KIF26B: variants seen among roughly 807,000 people sequenced by gnomAD.
The protein encoded by KIF26B is kinesin-like protein KIF26B.
Under a neutral mutation model 151.2 loss-of-function variants are expected in KIF26B, and 63 were observed. That is an observed-to-expected ratio of 0.42 (90% CI 0.34 to 0.51). KIF26B has a LOEUF of 0.51. Ranked by LOEUF, KIF26B falls within the 20% of genes least tolerant of loss-of-function variation. KIF26B has a pLI of 0.07. For synonymous variants in KIF26B, 1,357 were observed against 1,262.1 expected (o/e 1.08, Z -1.59); for missense variants, 2,813 against 2,913.6 (o/e 0.97, Z 0.79).
intron 2 of KIF26B, among the ~76,000 whole-genome samples, chr1:245,237,401 C>T (rs1670130487): frequency 6.6e-6 from 1 of 152,158 alleles, no homozygotes; most frequent in East Asian, 1.9e-4. Context: ...TGGAAGCCAT[C>T]TGGATGGAGT....
chr1:245,697,206 C>T (rs1338640916), intron 12 of KIF26B, among the ~76,000 whole-genome samples: 1 of 152,218 alleles, frequency 6.6e-6, no homozygotes, highest in Non-Finnish European at 1.5e-5. Context: ...CCCTTGTTGT[C>T]TCCTGGAGGA....
Position 245,597,820 on chromosome 1 carries a change from GTTCA to G in KIF26B, c.1351-4753_1351-4750del, listed in dbSNP as rs2043350175. Among the ~76,000 whole-genome samples the G allele has an allele frequency of 6.6e-6, 1 of 152,036 alleles. No individual in the cohort carries two copies. The highest frequency in any genetic ancestry group is 1.5e-5 in the Non-Finnish European group (1 of 68,008). On this transcript the variant is annotated intron_variant, in intron 5 of 14. Coordinates refer to ENST00000407071, the MANE Select transcript of KIF26B (RefSeq NM_018012.4). This position sits in a 1 kb window ranked among gnomAD's most constrained non-coding sequence, Gnocchi z 4.6. ...TAGTTCCATATTTCTTGGAGGCTTTGTTCATTCCTTTTCATTCTTTTTTCTCTAA... is the reference window on the plus strand; with the variant it reads ...TAGTTCCATATTTCTTGGAGGCTTTGTTCCTTTTCATTCTTTTTTCTCTAA...
intron 4 of KIF26B, among the ~76,000 whole-genome samples, chr1:245,464,988 T>G (rs1302564192): frequency 6.7e-6 from 1 of 148,990 alleles, no homozygotes; most frequent in African/African-American, 2.5e-5. Context: ...TGCCTTTTTT[T>G]TTTTTTTTGA....
chr1:245,461,296 A>G (rs1659639551), intron 4 of KIF26B, among the ~76,000 whole-genome samples: 1 of 151,636 alleles, frequency 6.6e-6, no homozygotes, highest in Non-Finnish European at 1.5e-5. Context: ...AGTTTTCCCA[A>G]TTTTTATCTT....
rs758993117 is a variant in KIF26B, at chr1:245,184,050, G to GTTTTTTTTTTTTTTTTTTT, written c.465+27368_465+27386dup. ...GCAACAGGTATGGGTGGGAGTTGTT[G>GTTTTTTTTTTTTTTTTTTT]TTTTTTTTTTTTTTTTTTTGAGCTT... On this transcript the variant is annotated intron_variant, in intron 2 of 14. Coordinates refer to ENST00000407071, the MANE Select transcript of KIF26B (RefSeq NM_018012.4). Among the ~76,000 whole-genome samples the GTTTTTTTTTTTTTTTTTTT allele has an allele frequency of 7.0e-3, 138 of 19,770 alleles. 20 individuals carry two copies. The highest frequency in any genetic ancestry group is 7.6e-3 in the African/African-American group (50 of 6,600). 13.0% of individuals were successfully genotyped at this position (19,770 alleles called of 152,430 possible).
intron 4 of KIF26B, among the ~76,000 whole-genome samples, chr1:245,511,361 A>G (rs1353710437): frequency 6.6e-6 from 1 of 152,204 alleles, no homozygotes; most frequent in African/African-American, 2.4e-5. Context: ...TAGAAGCTAC[A>G]AACATCCTCC....
chr1:245,233,027 A>G (rs745496354), intron 2 of KIF26B, among the ~76,000 whole-genome samples: 1 of 152,146 alleles, frequency 6.6e-6, no homozygotes, highest in Non-Finnish European at 1.5e-5. Flanking sequence ...TCCCTGCCCT[A>G]ATTGTAGGGT....
At chr1:245,189,294 T>C (rs1313034117) in intron 2 of KIF26B, among the ~76,000 whole-genome samples, 3 of 152,152 alleles carry the variant, frequency 2.0e-5, no homozygotes, top group African/African-American at 7.2e-5. Context: ...AATAAATCTC[T>C]TCTTATGTTA....
intron 10 of KIF26B, among the ~76,000 whole-genome samples, chr1:245,655,219 C>G (rs2044060655): frequency 6.6e-6 from 1 of 152,236 alleles, no homozygotes; most frequent in Non-Finnish European, 1.5e-5. Flanking sequence ...TCAGCAAAAT[C>G]TCAATCATTC....
At chr1:245,157,207 G>A (rs1668453220) in intron 2 of KIF26B, among the ~76,000 whole-genome samples, 1 of 152,246 alleles carries the variant, frequency 6.6e-6, no homozygotes, top group Non-Finnish European at 1.5e-5. Context: ...GTCTGAGGAA[G>A]ATCCGGAGGC....
At chr1:245,400,371 G>A (rs1384789849) in intron 3 of KIF26B, among the ~76,000 whole-genome samples, 3 of 151,960 alleles carry the variant, frequency 2.0e-5, no homozygotes, top group African/African-American at 4.8e-5. Flanking sequence ...AGAACAAATT[G>A]GACTCTTAAA....
At chr1:245,161,852 G>A (rs963902752) in intron 2 of KIF26B, among the ~76,000 whole-genome samples, 1 of 152,130 alleles carries the variant, frequency 6.6e-6, no homozygotes, top group African/African-American at 2.4e-5. Context: ...GCTCGAGATG[G>A]TTATTATTTT....
intron 10 of KIF26B, among the ~76,000 whole-genome samples, chr1:245,673,467 TA>T (rs1359753816): frequency 6.6e-6 from 1 of 152,148 alleles, no homozygotes; most frequent in Non-Finnish European, 1.5e-5. Flanking sequence ...GGGTTTTGCT[TA>T]GGGGGCAGAT....
chr1:245,449,408 C>T (rs1659335077), intron 4 of KIF26B, among the ~76,000 whole-genome samples: 1 of 151,962 alleles, frequency 6.6e-6, no homozygotes, highest in South Asian at 2.1e-4. Context: ...CTTTAGAGGG[C>T]TGGCCTGTGA....
At chr1:245,412,125 T>C (rs910625079) in intron 3 of KIF26B, among the ~76,000 whole-genome samples, 3 of 152,210 alleles carry the variant, frequency 2.0e-5, no homozygotes, top group African/African-American at 7.2e-5. Flanking sequence ...GGTTTACAAA[T>C]TAGCTGTGGA....
chr1:245,354,642 A>C (rs1194327437), intron 2 of KIF26B, among the ~76,000 whole-genome samples: 10 of 152,164 alleles, frequency 6.6e-5, no homozygotes, highest in Non-Finnish European at 1.3e-4. Context: ...CACTGTGTCC[A>C]CCTTGGGCGT....
In KIF26B at chr1:245,310,398, A is replaced by G. The variant is rs139398788; in HGVS notation, c.466-56436A>G. Among the ~76,000 whole-genome samples, 549 of 152,244 alleles carry G rather than the reference A, an allele frequency of 3.6e-3. 4 individuals are homozygous for G. Among genetic ancestry groups the G allele is most frequent in the African/African-American group, 0.013 (534 of 41,528 alleles). On this transcript the variant is annotated intron_variant, in intron 2 of 14. Coordinates refer to ENST00000407071, the MANE Select transcript of KIF26B (RefSeq NM_018012.4). Reference sequence around the variant, plus strand: ...CATTAACTTTATTCTTAAAATAACAATATCACTAATAACATTTATGGCATA... The same window carrying G: ...CATTAACTTTATTCTTAAAATAACAGTATCACTAATAACATTTATGGCATA...
At chr1:245,412,513 C>T (rs1201931931) in intron 3 of KIF26B, among the ~76,000 whole-genome samples, 1 of 152,212 alleles carries the variant, frequency 6.6e-6, no homozygotes, top group Non-Finnish European at 1.5e-5. Context: ...CCCATGCTGA[C>T]ACACTCTGGT....
intron 5 of KIF26B, among the ~76,000 whole-genome samples, chr1:245,574,616 C>G (rs1415631211): frequency 6.6e-6 from 1 of 152,136 alleles, no homozygotes; most frequent in Non-Finnish European, 1.5e-5. Flanking sequence ...AGTCCACCTT[C>G]TGCCCCTCAA....
Sources: allele counts gnomAD v4.1 joint callset (sites outside exome capture counted in the v4.1 genomes callset), GRCh38; gene constraint gnomAD v4.1.1; non-coding constraint Gnocchi (gnomAD v3.1); transcripts MANE v1.5; gene names NCBI Gene and HGNC (gene_info 2026-07-23, HGNC 2026-07-21).